Variants in GRIK2 observed in about 807,000 individuals in gnomAD.
GRIK2 encodes glutamate receptor ionotropic, kainate 2.
A neutral mutation model predicts 100.3 loss-of-function variants in GRIK2; 32 were observed. The ratio of observed to expected loss-of-function variants is 0.32; its 90% CI spans 0.24 to 0.43. The LOEUF (loss-of-function observed/expected upper bound fraction) is 0.43. GRIK2 is among the 20% of genes least tolerant of loss of function. GRIK2 has a pLI of 1.00. For synonymous variants in GRIK2, 417 were observed against 389.4 expected (o/e 1.07, Z -0.83); for missense variants, 843 against 1,114.9 (o/e 0.76, Z 3.47).
intron 2 of GRIK2, among the ~76,000 whole-genome samples, chr6:101,535,423 T>C (rs547092540): frequency 1.3e-5 from 2 of 151,812 alleles, no homozygotes; most frequent in Non-Finnish European, 2.9e-5. Context: ...TTCCTGTCCA[T>C]GTTAGATAAC....
At chr6:101,876,693 A>G (rs532017673) in intron 11 of GRIK2, among the ~76,000 whole-genome samples, 1 of 151,992 alleles carries the variant, frequency 6.6e-6, no homozygotes, top group African/African-American at 2.4e-5. Flanking sequence ...GTCAATTTCT[A>G]TGCTGTTTGT....
chr6:101,535,572 C>A (rs1338712479), intron 2 of GRIK2, among the ~76,000 whole-genome samples: 1 of 151,466 alleles, frequency 6.6e-6, no homozygotes, highest in African/African-American at 2.4e-5. Flanking sequence ...GCTCTTATTT[C>A]AGTTGTTAAT....
At chr6:101,847,635 C>T (rs974465083) in intron 10 of GRIK2, among the ~76,000 whole-genome samples, 4 of 152,084 alleles carry the variant, frequency 2.6e-5, no homozygotes, top group Admixed American at 2.0e-4. Context: ...TATTGGGGCA[C>T]TCCTTTACTG....
chr6:101,761,400 A>G (rs752408747), intron 7 of GRIK2, among the ~76,000 whole-genome samples: 1 of 152,118 alleles, frequency 6.6e-6, no homozygotes, highest in Non-Finnish European at 1.5e-5. Context: ...AGGTTCCCCT[A>G]AAGGCAAATA....
intron 2 of GRIK2, among the ~76,000 whole-genome samples, chr6:101,549,328 C>T (rs1209323518): frequency 6.7e-6 from 1 of 150,218 alleles, no homozygotes; most frequent in Non-Finnish European, 1.5e-5. Context: ...ATGGGGCCAG[C>T]CTGGTAGGGT....
chr6:101,444,240 T>C (rs1390026707), intron 2 of GRIK2, among the ~76,000 whole-genome samples: 3 of 152,096 alleles, frequency 2.0e-5, no homozygotes, highest in African/African-American at 7.2e-5. Context: ...GTATTTATTC[T>C]TAAATTATTT....
At chr6:101,463,307 A>G (rs866424692) in intron 2 of GRIK2, among the ~76,000 whole-genome samples, 23 of 152,216 alleles carry the variant, frequency 1.5e-4, no homozygotes, top group Middle Eastern at 3.2e-3. Context: ...GTTTAGCACA[A>G]TATTACTTAA....
chr6:101,685,884 A>G (rs1396052359), intron 6 of GRIK2, among the ~76,000 whole-genome samples: 2 of 152,166 alleles, frequency 1.3e-5, no homozygotes, highest in Non-Finnish European at 2.9e-5. Context: ...GCTATCCTAA[A>G]CAGAGAGAAG....
rs1003045188 is a variant in GRIK2, at chr6:102,065,960, C to T, written c.2563-2387C>T. ...ATTAAGCAACAAGAAACACTGTTTC[C>T]ATATACTGGCTGTCAGGTGCCACAT... On this transcript the variant is annotated intron_variant, in intron 16 of 16. Coordinates refer to ENST00000369134, the MANE Select transcript of GRIK2 (RefSeq NM_021956.5). 7.4e-6 allele frequency: 9 copies of T among 1,215,060 alleles called. No individual in the cohort carries two copies. In the Admixed American group the frequency reaches 3.0e-4, roughly 40 times the overall value. 75.3% of individuals were successfully genotyped at this position (1,215,060 alleles called of 1,614,324 possible).
chr6:101,477,235 G>C (rs1189459729), intron 2 of GRIK2, among the ~76,000 whole-genome samples: 1 of 152,100 alleles, frequency 6.6e-6, no homozygotes, highest in African/African-American at 2.4e-5. Context: ...TGGGTAGTAT[G>C]CCCAGAACAA....
At chr6:101,943,919 G>A (rs1791110754) in intron 14 of GRIK2, among the ~76,000 whole-genome samples, 1 of 152,148 alleles carries the variant, frequency 6.6e-6, no homozygotes, top group Non-Finnish European at 1.5e-5. Context: ...AATTTGGGAG[G>A]GGAAAGGGTG....
intron 10 of GRIK2, among the ~76,000 whole-genome samples, chr6:101,845,202 C>T (rs750987462): frequency 3.9e-5 from 6 of 151,974 alleles, no homozygotes; most frequent in Non-Finnish European, 7.4e-5. Context: ...TTATTTTGTA[C>T]AGATGGGGTC....
rs1366213025 is a variant in GRIK2, at chr6:101,720,145, G to A, written c.951+33792G>A. 1.1e-4 allele frequency among the ~76,000 whole-genome samples: 17 copies of A among 151,318 alleles called. No homozygotes were observed. In the South Asian group the frequency reaches 3.1e-3, roughly 28 times the overall value. ...TCGTTTGTGTCACTCATCCTCTAGG[G>A]AGCTGTATCAAACTTACAAAAAAGG... On this transcript the variant is annotated intron_variant, in intron 7 of 16. Coordinates refer to ENST00000369134, the MANE Select transcript of GRIK2 (RefSeq NM_021956.5).
chr6:101,709,294 G>T (rs1773546987), intron 7 of GRIK2, among the ~76,000 whole-genome samples: 1 of 151,818 alleles, frequency 6.6e-6, no homozygotes, highest in African/African-American at 2.4e-5. Flanking sequence ...CTTGCCTCCA[G>T]ACCTGAGAAA....
At chr6:102,018,906 A>G (rs1160921156) in intron 14 of GRIK2, among the ~76,000 whole-genome samples, 1 of 152,084 alleles carries the variant, frequency 6.6e-6, no homozygotes, top group Non-Finnish European at 1.5e-5. Flanking sequence ...TCTAAAAGTA[A>G]GCAACACAAA....
At chr6:101,617,649 T>C (rs1259683401) in intron 2 of GRIK2, among the ~76,000 whole-genome samples, 2 of 151,830 alleles carry the variant, frequency 1.3e-5, no homozygotes, top group East Asian at 3.9e-4. Context: ...ATAAAATTGT[T>C]TCAAATTGTG....
chr6:101,539,003 A>G (rs1287016537), intron 2 of GRIK2, among the ~76,000 whole-genome samples: 1 of 151,606 alleles, frequency 6.6e-6, no homozygotes, highest in Non-Finnish European at 1.5e-5. Flanking sequence ...CAAAGGAAAA[A>G]TCTGGCATGT....
intron 2 of GRIK2, among the ~76,000 whole-genome samples, chr6:101,553,123 G>A (rs1367168317): frequency 2.0e-5 from 3 of 152,092 alleles, no homozygotes; most frequent in Non-Finnish European, 4.4e-5. Context: ...TTTTTAGAAA[G>A]GAGGCAGAAA....
intron 14 of GRIK2, among the ~76,000 whole-genome samples, chr6:102,016,664 A>G (rs1413368807): frequency 6.6e-6 from 1 of 152,060 alleles, no homozygotes; most frequent in Non-Finnish European, 1.5e-5. Flanking sequence ...TGTCCCTCAA[A>G]GAGACGGGGA....
Sources: gnomAD v4.1 joint callset for allele counts (sites outside exome capture counted in the v4.1 genomes callset) on GRCh38, gnomAD v4.1.1 for gene constraint, MANE v1.5 for transcripts, NCBI Gene and HGNC (gene_info 2026-07-23, HGNC 2026-07-21) for gene names.